The following CPA6 variants were observed in gnomAD, a reference collection of about 807,000 sequenced individuals.
CPA6 encodes carboxypeptidase A6, also known as carboxypeptidase B.
In CPA6, 58 loss-of-function variants were observed where a neutral mutation model predicts 63.3. The ratio of observed to expected loss-of-function variants is 0.92; its 90% CI spans 0.74 to 1.14. CPA6 has a LOEUF of 1.14. Among genes scored for constraint, CPA6 ranks in the 50% most tolerant of loss-of-function variants. CPA6 has a pLI of 0.00. For synonymous variants in CPA6, 185 were observed against 179.0 expected (o/e 1.03, Z -0.27); for missense variants, 565 against 526.6 (o/e 1.07, Z -0.71).
chr8:67,707,894 A>G (rs1817170395), intron 1 of CPA6, among the ~76,000 whole-genome samples: 1 of 150,682 alleles, frequency 6.6e-6, no homozygotes, highest in Non-Finnish European at 1.5e-5. Flanking sequence ...AGCCTGGGCT[A>G]CAGGGCAAGA....
At chr8:67,626,611 T>C (rs1815199908) in intron 1 of CPA6, among the ~76,000 whole-genome samples, 1 of 152,240 alleles carries the variant, frequency 6.6e-6, no homozygotes, top group Non-Finnish European at 1.5e-5. Context: ...GGAATTTAAA[T>C]GTAACCACAT....
chr8:67,474,501 G>A (rs1249134782), intron 8 of CPA6, among the ~76,000 whole-genome samples: 1 of 152,074 alleles, frequency 6.6e-6, no homozygotes, highest in Non-Finnish European at 1.5e-5. Flanking sequence ...GATTACAGAC[G>A]TGAGCCACAG....
At chr8:67,576,327 T>C (rs1335665378) in intron 2 of CPA6, among the ~76,000 whole-genome samples, 1 of 152,188 alleles carries the variant, frequency 6.6e-6, no homozygotes, top group African/African-American at 2.4e-5. Flanking sequence ...TATATGTATA[T>C]AATTAAAAAA....
chr8:67,675,149 T>C (rs914693476), intron 1 of CPA6, among the ~76,000 whole-genome samples: 42 of 152,168 alleles, frequency 2.8e-4, no homozygotes, highest in Non-Finnish European at 1.5e-5. Flanking sequence ...TCATCTCATG[T>C]AACAAACCTG....
chr8:67,571,697 G>GTC (rs1435679063), intron 2 of CPA6, among the ~76,000 whole-genome samples: 1 of 152,128 alleles, frequency 6.6e-6, no homozygotes, highest in Non-Finnish European at 1.5e-5. Context: ...AAAAGCAGTT[G>GTC]TAAGAGGAAA....
At chr8:67,423,713 GC>G (rs371049877) in intron 10 of CPA6, among the ~76,000 whole-genome samples, 20 of 152,218 alleles carry the variant, frequency 1.3e-4, no homozygotes, top group African/African-American at 4.6e-4. Context: ...GTCTTTTTCT[GC>G]CCCCATGTTG....
chr8:67,438,330 G>GA (rs1810210453), intron 8 of CPA6, among the ~76,000 whole-genome samples: 1 of 152,138 alleles, frequency 6.6e-6, no homozygotes. Context: ...TTTAAGAAAA[G>GA]AAAACAATTC....
chr8:67,587,638 T>C (rs1000415368), intron 2 of CPA6, among the ~76,000 whole-genome samples: 2 of 152,100 alleles, frequency 1.3e-5, no homozygotes, highest in Non-Finnish European at 2.9e-5. Flanking sequence ...TGAAATCACA[T>C]GGCCAGGCCA....
chr8:67,711,686 T>TACACACACACACACACACAC (rs5892094), intron 1 of CPA6, among the ~76,000 whole-genome samples: 8 of 133,954 alleles, frequency 6.0e-5, no homozygotes, highest in African/African-American at 2.5e-4. Context: ...TATGCCTGTG[T>TACACACACACACACACACAC]ACACACACAC....
At chr8:67,547,344 C>A (rs895451690) in intron 2 of CPA6, among the ~76,000 whole-genome samples, 1 of 152,306 alleles carries the variant, frequency 6.6e-6, no homozygotes, top group African/African-American at 2.4e-5. Context: ...CTGTGCCCGG[C>A]CGAAGGCCAA....
intron 2 of CPA6, among the ~76,000 whole-genome samples, chr8:67,564,754 T>G (rs1813297366): frequency 6.6e-6 from 1 of 152,340 alleles, no homozygotes; most frequent in East Asian, 1.9e-4. Flanking sequence ...TCAATGCATT[T>G]TAATTAGGGA....
At chr8:67,455,476 G>C (rs929566010) in intron 8 of CPA6, among the ~76,000 whole-genome samples, 5 of 151,768 alleles carry the variant, frequency 3.3e-5, no homozygotes, top group African/African-American at 1.2e-4. Flanking sequence ...TAAAGAAGAA[G>C]ATAAAAAAGG....
intron 1 of CPA6, among the ~76,000 whole-genome samples, chr8:67,658,046 C>T (rs1428518535): frequency 6.6e-6 from 1 of 152,224 alleles, no homozygotes; most frequent in Admixed American, 6.5e-5. Flanking sequence ...CTTTTCGTTT[C>T]CTTGGAGTGG....
intron 2 of CPA6, among the ~76,000 whole-genome samples, chr8:67,564,415 CT>C (rs200491437): frequency 0.012 from 1,694 of 140,896 alleles, 15 homozygotes; most frequent in African/African-American, 0.026. Flanking sequence ...TAAAAGTGTT[CT>C]TTTTTTTTTT....
chr8:67,462,447 C>G (rs1810834843), intron 8 of CPA6, among the ~76,000 whole-genome samples: 2 of 152,150 alleles, frequency 1.3e-5, no homozygotes, highest in Non-Finnish European at 2.9e-5. Flanking sequence ...TAATCTCTTG[C>G]TATTATGCAG....
At chr8:67,711,636 G>A (rs1454079458) in intron 1 of CPA6, among the ~76,000 whole-genome samples, 1 of 151,786 alleles carries the variant, frequency 6.6e-6, no homozygotes, top group Non-Finnish European at 1.5e-5. Context: ...ATATGTATGC[G>A]TGTGGTATGT....
chr8:67,506,110 T>A (rs1811921131), intron 6 of CPA6, among the ~76,000 whole-genome samples: 1 of 150,558 alleles, frequency 6.6e-6, no homozygotes, highest in Non-Finnish European at 1.5e-5. Flanking sequence ...AATAGAAAAG[T>A]ATCAGAACAT....
In CPA6 at chr8:67,485,404, A is replaced by G. The variant is rs148496845; in HGVS notation, c.637-615T>C. Among the ~76,000 whole-genome samples the G allele has an allele frequency of 1.3e-3, 201 of 152,280 alleles. 3 individuals carry two copies. The highest frequency in any genetic ancestry group is 4.4e-3 in the African/African-American group (181 of 41,546). On this transcript the variant is annotated intron_variant, in intron 6 of 10. Transcript: ENST00000297770. ...AAGTTTGACATTATCTTTTCCATGC[A>G]TGATTGTATGTATTGCTACATATAT...
At chr8:67,475,005 C>CA (rs1238922595) in intron 8 of CPA6, among the ~76,000 whole-genome samples, 2 of 151,904 alleles carry the variant, frequency 1.3e-5, no homozygotes, top group East Asian at 1.9e-4. Context: ...AAAACAAAAA[C>CA]AAAAAAACCC....
Sources: allele counts gnomAD v4.1 joint callset (sites outside exome capture counted in the v4.1 genomes callset), GRCh38; gene constraint gnomAD v4.1.1; transcripts MANE v1.5; gene names NCBI Gene and HGNC (gene_info 2026-07-23, HGNC 2026-07-21).